Variants in PMEPA1 observed in about 807,000 individuals in gnomAD.
PMEPA1 encodes protein TMEPAI.
A neutral mutation model predicts 23.0 loss-of-function variants in PMEPA1; 11 were observed. The observed-to-expected ratio is 0.48, with a 90% CI of 0.30 to 0.79. PMEPA1 has a LOEUF of 0.79. Ranked by LOEUF, PMEPA1 falls within the 30% of genes least tolerant of loss-of-function variation. PMEPA1 has a pLI of 0.06. For missense variants in PMEPA1, 377 were observed against 390.9 expected (o/e 0.96, Z 0.30); for synonymous variants, 204 against 166.4 (o/e 1.23, Z -1.74).
rs1166389672 is a variant in PMEPA1, at chr20:57,704,525, G to GGCA, written c.109+4946_109+4948dup. Among the ~76,000 whole-genome samples, 1 of 152,220 alleles carries GGCA rather than the reference G, an allele frequency of 6.6e-6. No individual in the cohort carries two copies. Among genetic ancestry groups the GGCA allele is most frequent in the Non-Finnish European group, 1.5e-5 (1 of 68,040 alleles). On this transcript the variant is annotated intron_variant, in intron 1 of 3. Coordinates refer to ENST00000341744, the MANE Select transcript of PMEPA1 (RefSeq NM_020182.5). The surrounding 1 kb of genome is among the most constrained non-coding windows in gnomAD (Gnocchi z 4.6). ...TGTGCACCGTACAGAACCCGAGGCT[G>GGCA]GCAGCAGCACAGCCTCCGAAATTCA...
rs902991871 is a variant in PMEPA1 at position 57,648,591 on chromosome 20, A to G, written c.*3462T>C. 6.6e-6 allele frequency: 1 copy of G among 152,558 alleles called. No homozygotes were observed. Among genetic ancestry groups the G allele is most frequent in the African/African-American group, 2.4e-5 (1 of 41,448 alleles). 9.5% of individuals were successfully genotyped at this position (152,558 alleles called of 1,614,324 possible). Reference sequence around the variant, plus strand: ...GAAAGCTTACATAAGTTTAACTTGAACAGAGCTTGGGAAATGGGGCTGCAA... The same window carrying G: ...GAAAGCTTACATAAGTTTAACTTGAGCAGAGCTTGGGAAATGGGGCTGCAA... On this transcript the variant is annotated 3_prime_UTR_variant, in exon 4 of 4. Coordinates refer to ENST00000341744, the MANE Select transcript of PMEPA1 (RefSeq NM_020182.5).
At chr20:57,686,046 C>A (rs114344597) in intron 1 of PMEPA1, among the ~76,000 whole-genome samples, 2,416 of 152,242 alleles carry the variant, frequency 0.016, 48 homozygotes, top group African/African-American at 0.048. Flanking sequence ...GACACCCAAA[C>A]ACCCTCTAAA....
Position 57,682,200 on chromosome 20 carries a change from C to A in PMEPA1, c.110-22503G>T, listed in dbSNP as rs2071727265. Among the ~76,000 whole-genome samples the A allele has an allele frequency of 6.6e-6, 1 of 152,226 alleles. No homozygotes were observed. The highest frequency in any genetic ancestry group is 1.5e-5 in the Non-Finnish European group (1 of 68,040). ...GTCCTCCTTCCTTAGGTCACTATTA[C>A]ACACAGACAGACACAGCTACCTTCG... On this transcript the variant is annotated intron_variant, in intron 1 of 3. Coordinates refer to ENST00000341744, the MANE Select transcript of PMEPA1 (RefSeq NM_020182.5). The surrounding 1 kb of genome is among the most constrained non-coding windows in gnomAD (Gnocchi z 4.4).
At chr20:57,653,353 G>C (rs117540631) in intron 2 of PMEPA1, among the ~76,000 whole-genome samples, 1 of 152,112 alleles carries the variant, frequency 6.6e-6, no homozygotes, top group Admixed American at 6.5e-5. Context: ...ACACCCACTT[G>C]TGGGGCCCCC....
rs896451770 is a variant in PMEPA1, at chr20:57,704,601, T to C, written c.109+4873A>G. 6.6e-6 allele frequency among the ~76,000 whole-genome samples: 1 copy of C among 152,194 alleles called. No individual in the cohort carries two copies. The highest frequency in any genetic ancestry group is 2.4e-5 in the African/African-American group (1 of 41,452). On this transcript the variant is annotated intron_variant, in intron 1 of 3. Coordinates refer to ENST00000341744, the MANE Select transcript of PMEPA1 (RefSeq NM_020182.5). This position sits in a 1 kb window ranked among gnomAD's most constrained non-coding sequence, Gnocchi z 4.6. Reference sequence around the variant, plus strand: ...GCAGGATCCCAGACACCGAGGTGCCTGCAAACTTGGTCTCTGGATGCTAAC... The same window carrying C: ...GCAGGATCCCAGACACCGAGGTGCCCGCAAACTTGGTCTCTGGATGCTAAC...
chr20:57,700,077 G>A (rs1196927820), intron 1 of PMEPA1: 1 of 471,064 alleles, frequency 2.1e-6, no homozygotes, highest in Admixed American at 2.3e-5. Context: ...TCACTTTCAT[G>A]CTCCCAAAGC....
chr20:57,688,023 A>G (rs751809675), intron 1 of PMEPA1, among the ~76,000 whole-genome samples: 1 of 152,092 alleles, frequency 6.6e-6, no homozygotes, highest in East Asian at 1.9e-4. Context: ...TGTGAGCACC[A>G]TAAGGTCAGG....
chr20:57,675,820 G>A (rs184448529), intron 1 of PMEPA1, among the ~76,000 whole-genome samples: 5 of 152,290 alleles, frequency 3.3e-5, no homozygotes, highest in South Asian at 2.1e-4. Flanking sequence ...GTCTGTCTCC[G>A]GTGTGTGACT....
chr20:57,708,816 C>A (rs184794977), intron 1 of PMEPA1, among the ~76,000 whole-genome samples: 3 of 152,234 alleles, frequency 2.0e-5, no homozygotes, highest in African/African-American at 7.2e-5. Context: ...GAAAGATGGA[C>A]ACGCTCAAGA....
intron 1 of PMEPA1, among the ~76,000 whole-genome samples, chr20:57,679,592 G>A (rs993277734): frequency 2.0e-5 from 3 of 152,198 alleles, no homozygotes; most frequent in Non-Finnish European, 2.9e-5. Flanking sequence ...ACAAGCGCCC[G>A]CTATGGATGA....
intron 1 of PMEPA1, among the ~76,000 whole-genome samples, chr20:57,679,517 G>C (rs116830895): frequency 6.6e-6 from 1 of 152,252 alleles, no homozygotes; most frequent in Non-Finnish European, 1.5e-5. Flanking sequence ...TGCGGGAGCC[G>C]TGTCCAACAG....
At chr20:57,667,120 T>C (rs2071504710) in intron 1 of PMEPA1, among the ~76,000 whole-genome samples, 1 of 152,198 alleles carries the variant, frequency 6.6e-6, no homozygotes, top group Non-Finnish European at 1.5e-5. Context: ...GTGTCTTTGG[T>C]GCAGTCAAGG....
intron 1 of PMEPA1, among the ~76,000 whole-genome samples, chr20:57,688,035 CG>C (rs1208363561): frequency 2.0e-5 from 3 of 152,154 alleles, no homozygotes; most frequent in Non-Finnish European, 2.9e-5. Context: ...AAGGTCAGGC[CG>C]GGTGGTTCAG....
intron 1 of PMEPA1, among the ~76,000 whole-genome samples, chr20:57,705,690 G>A (rs1423171174): frequency 6.6e-6 from 1 of 152,214 alleles, no homozygotes; most frequent in Non-Finnish European, 1.5e-5. Context: ...GGGTCTCCTG[G>A]CAACGCAGAT....
At chr20:57,671,382 G>A (rs1362307850) in intron 1 of PMEPA1, among the ~76,000 whole-genome samples, 2 of 152,168 alleles carry the variant, frequency 1.3e-5, no homozygotes, top group African/African-American at 4.8e-5. Context: ...TGAGTCCGTG[G>A]TGGTGTTGAC....
intron 1 of PMEPA1, chr20:57,690,562 G>C (rs1453003455): frequency 7.9e-7 from 1 of 1,273,238 alleles, no homozygotes; most frequent in East Asian, 5.6e-5. Context: ...CAGGAGGCGG[G>C]GTCTCCATTG....
At chr20:57,670,702 G>A (rs2071555917) in intron 1 of PMEPA1, among the ~76,000 whole-genome samples, 1 of 152,166 alleles carries the variant, frequency 6.6e-6, no homozygotes, top group Admixed American at 6.5e-5. Context: ...CAGACCCAAG[G>A]GATTTCAGAG....
chr20:57,692,042 G>A (rs997543284), intron 1 of PMEPA1, among the ~76,000 whole-genome samples: 4 of 152,182 alleles, frequency 2.6e-5, no homozygotes, highest in Middle Eastern at 3.4e-3. Flanking sequence ...TCACGGGTAG[G>A]TCCCGGGGCT....
chr20:57,693,595 G>A (rs1224339706), intron 1 of PMEPA1, among the ~76,000 whole-genome samples: 1 of 152,170 alleles, frequency 6.6e-6, no homozygotes, highest in Non-Finnish European at 1.5e-5. Context: ...GCTTCCAATT[G>A]TCTTTCTCCC....
Sources: allele counts gnomAD v4.1 joint callset (sites outside exome capture counted in the v4.1 genomes callset), GRCh38; gene constraint gnomAD v4.1.1; non-coding constraint Gnocchi (gnomAD v3.1); transcripts MANE v1.5; gene names NCBI Gene and HGNC (gene_info 2026-07-23, HGNC 2026-07-21).